C8orf76: variants seen among roughly 807,000 people sequenced by gnomAD.
The protein encoded by C8orf76 is uncharacterized protein C8orf76.
C8orf76 carries 46 observed loss-of-function variants against 38.1 expected under a neutral mutation model. That is an observed-to-expected ratio of 1.21 (90% confidence interval 0.95 to 1.54). The LOEUF (loss-of-function observed/expected upper bound fraction) is 1.54, where lower values mean the gene tolerates loss of function less well. C8orf76 is among the 40% of genes most tolerant of loss of function. The pLI, the probability that C8orf76 is intolerant of heterozygous loss-of-function variation, is 0.00. For missense variants in C8orf76, 461 were observed against 441.6 expected (o/e 1.04, Z -0.39); for synonymous variants, 166 against 167.5 (o/e 0.99, Z 0.07).
Position 123,231,514 on chromosome 8 carries a change from T to C in C8orf76, c.601A>G (p.Ile201Val), listed in dbSNP as rs761040416. ...CCTGAGTGTGGAAAGAAGGATTTGA[T>C]AGTTTTGTCACTTGAGGTGAAACTG... ...QHSFTSSDKT[I>V]KSFFPHSGKD... Residue 201 changes from isoleucine (I) to valine (V), a missense_variant, in exon 4 of 6, where the codon ATC becomes GTC. Physicochemically the swap from Ile to Val is conservative, Grantham distance 29. Transcript: ENST00000276704. The C allele has an allele frequency of 1.2e-6, 2 of 1,614,262 alleles. 1 individual carries two copies. Among genetic ancestry groups the C allele is most frequent in the Admixed American group, 3.3e-5 (2 of 60,032 alleles).
intron 4 of C8orf76, 95 bp downstream of exon 4, chr8:123,231,205 T>C (rs1462063437): frequency 7.0e-7 from 1 of 1,422,876 alleles, no homozygotes; most frequent in Non-Finnish European, 9.3e-7. Flanking sequence ...ATATACCAAA[T>C]GTCTAGCCTA....
intron 3 of C8orf76, among the ~76,000 whole-genome samples, chr8:123,234,752 G>A (rs976879941): frequency 2.6e-5 from 4 of 151,704 alleles, no homozygotes; most frequent in African/African-American, 9.7e-5. Context: ...CTGGGCGACA[G>A]TGCGAGACTC....
intron 5 of C8orf76, among the ~76,000 whole-genome samples, chr8:123,222,008 G>A (rs905208346): frequency 6.6e-6 from 1 of 151,550 alleles, no homozygotes; most frequent in Non-Finnish European, 1.5e-5. Flanking sequence ...GGGGGCGGGG[G>A]GTCAGAGTCT....
At chr8:123,228,992 G>A (rs545206713) in intron 4 of C8orf76, among the ~76,000 whole-genome samples, 1 of 152,324 alleles carries the variant, frequency 6.6e-6, no homozygotes, top group Non-Finnish European at 1.5e-5. Context: ...ATCAGCAATT[G>A]ACTAAGTTCT....
rs199833290 is a variant in C8orf76, at chr8:123,237,949, T to A, written c.214-8A>T. 1.1e-5 allele frequency: 18 copies of A among 1,600,802 alleles called. No individual in the cohort carries two copies. Among genetic ancestry groups the A allele is most frequent in the Non-Finnish European group, 1.5e-5 (18 of 1,175,260 alleles). On this transcript the variant is annotated splice_region_variant and splice_polypyrimidine_tract_variant and intron_variant, in intron 2 of 5. Transcript: ENST00000276704. Reference sequence around the variant, plus strand: ...ATACTCCTGCAGTGCTTTCTGGAAATTATTTGTTAAATAAAGAAATGAAAG... The same window carrying A: ...ATACTCCTGCAGTGCTTTCTGGAAAATATTTGTTAAATAAAGAAATGAAAG...
chr8:123,226,689 G>A (rs2131137008), intron 4 of C8orf76, 57 bp from the exon 5 acceptor site: 2 of 1,527,288 alleles, frequency 1.3e-6, no homozygotes, highest in South Asian at 1.3e-5. Context: ...TCCAGATAAA[G>A]GAAAGCCGCG....
At chr8:123,227,875 C>G (rs1036028913) in intron 4 of C8orf76, among the ~76,000 whole-genome samples, 1 of 152,168 alleles carries the variant, frequency 6.6e-6, no homozygotes, top group African/African-American at 2.4e-5. Context: ...GATCATCTGT[C>G]TGCTTCAGTC....
intron 3 of C8orf76, among the ~76,000 whole-genome samples, 193 bp downstream of exon 3, chr8:123,237,591 CACAAGAAAAATATT>C (rs1313054154): frequency 1.3e-5 from 2 of 152,130 alleles, no homozygotes; most frequent in Non-Finnish European, 2.9e-5. Flanking sequence ...TTGAGCATGA[CACAAGAAAAATATT>C]ACAAGAAAAT....
intron 4 of C8orf76, among the ~76,000 whole-genome samples, chr8:123,227,142 T>G (rs552653681): frequency 6.6e-6 from 1 of 152,218 alleles, no homozygotes; most frequent in East Asian, 1.9e-4. Flanking sequence ...CAGGGCCAAA[T>G]CTTTGATGAC....
chr8:123,226,376 C>A, intron 5 of C8orf76, 124 bp downstream of exon 5: 1 of 1,505,888 alleles, frequency 6.6e-7, no homozygotes, highest in Non-Finnish European at 8.8e-7. Context: ...TCAAAAGGCA[C>A]ACAGAGGAGG....
At chr8:123,234,876 T>C (rs1221323035) in intron 3 of C8orf76, among the ~76,000 whole-genome samples, 5 of 146,514 alleles carry the variant, frequency 3.4e-5, no homozygotes, top group East Asian at 2.0e-4. Context: ...ACAGGTGAAT[T>C]GCTTGAACCT....
At chr8:123,239,369 T>C (rs111963895) in intron 1 of C8orf76, 80 of 421,210 alleles carry the variant, frequency 1.9e-4, no homozygotes, top group African/African-American at 1.4e-3. Context: ...CCAGCCCACA[T>C]TGGTTCTTTA....
At chr8:123,226,743 C>T (rs1209032687) in intron 4 of C8orf76, 111 bp from the exon 5 acceptor site, 1 of 1,444,352 alleles carries the variant, frequency 6.9e-7, no homozygotes, top group Non-Finnish European at 9.1e-7. Flanking sequence ...GCTGCAAGTC[C>T]CACCAGGTTA....
At chr8:123,223,591 G>A (rs1395899989) in intron 5 of C8orf76, among the ~76,000 whole-genome samples, 1 of 152,130 alleles carries the variant, frequency 6.6e-6, no homozygotes, top group Non-Finnish European at 1.5e-5. Context: ...CTGGGTGACA[G>A]AGCAAGACTC....
intron 3 of C8orf76, chr8:123,236,725 G>T: frequency 2.5e-6 from 1 of 395,684 alleles, no homozygotes; most frequent in Non-Finnish European, 4.7e-6. Flanking sequence ...CGGAGGTTGC[G>T]GCAAGCCGGG....
chr8:123,237,796 A>T lies in C8orf76; in HGVS notation c.357+2T>A. Reference sequence around the variant, plus strand: ...GTGAAAATAAGCAATAAAATCACTCACCAAGTTTGCAGCAATCTCCAGCGC... The same window carrying T: ...GTGAAAATAAGCAATAAAATCACTCTCCAAGTTTGCAGCAATCTCCAGCGC... On this transcript the variant is annotated splice_donor_variant, in intron 3 of 5. Transcript: ENST00000276704. LOFTEE classifies it high-confidence loss of function. The T allele has an allele frequency of 6.2e-7, 1 of 1,610,136 alleles. No homozygotes were observed. Among genetic ancestry groups the T allele is most frequent in the Non-Finnish European group, 8.5e-7 (1 of 1,178,740 alleles).
At chr8:123,232,901 G>A (rs576825574) in intron 3 of C8orf76, among the ~76,000 whole-genome samples, 1 of 152,246 alleles carries the variant, frequency 6.6e-6, no homozygotes, top group South Asian at 2.1e-4. Flanking sequence ...TCACGTTTGA[G>A]TAATGACTTT....
At chr8:123,241,201 G>A in intron 1 of C8orf76, 29 bp downstream of exon 1, 1 of 1,561,080 alleles carries the variant, frequency 6.4e-7, no homozygotes, top group Non-Finnish European at 8.6e-7. Context: ...TGGGGCCCGG[G>A]ATAAGGCGAA....
chr8:123,226,348 T>G (rs1825043359), intron 5 of C8orf76, 152 bp downstream of exon 5: 2 of 1,477,244 alleles, frequency 1.4e-6, no homozygotes, highest in Non-Finnish European at 1.8e-6. Flanking sequence ...AGAGGCCGCC[T>G]TGGTGATTGC....
Sources: allele counts gnomAD v4.1 joint callset (sites outside exome capture counted in the v4.1 genomes callset), GRCh38; gene constraint gnomAD v4.1.1; transcripts MANE v1.5; gene names NCBI Gene and HGNC (gene_info 2026-07-23, HGNC 2026-07-21).